Variants in GALNT17 observed in about 807,000 individuals in gnomAD.
GALNT17 encodes polypeptide N-acetylgalactosaminyltransferase 17.
Under a neutral mutation model 63.7 loss-of-function variants are expected in GALNT17, and 29 were observed. The observed-to-expected ratio is 0.46, with a 90% CI of 0.34 to 0.62. The LOEUF (loss-of-function observed/expected upper bound fraction) is 0.62, where lower values mean the gene tolerates loss of function less well. Among genes scored for constraint, GALNT17 ranks in the 20% least tolerant of loss-of-function variants. GALNT17 has a pLI of 0.01. For synonymous variants in GALNT17, 305 were observed against 318.3 expected, an observed-to-expected ratio of 0.96 and a Z score of 0.45; for missense variants, 603 against 799.6, an observed-to-expected ratio of 0.75 and a Z score of 2.97.
intron 1 of GALNT17, among the ~76,000 whole-genome samples, chr7:71,178,382 A>G (rs757301649): frequency 6.1e-4 from 93 of 151,992 alleles, no homozygotes; most frequent in Middle Eastern, 3.4e-3. Context: ...TTTTCTTTCT[A>G]TTTATCCCTG....
At chr7:71,584,361 A>C (rs1789683788) in intron 6 of GALNT17, among the ~76,000 whole-genome samples, 2 of 152,214 alleles carry the variant, frequency 1.3e-5, no homozygotes, top group South Asian at 4.1e-4. Context: ...CTTGAAACAT[A>C]CACGAAGATA....
intron 9 of GALNT17, among the ~76,000 whole-genome samples, chr7:71,684,257 C>T (rs1053455844): frequency 3.3e-5 from 5 of 152,158 alleles, no homozygotes; most frequent in African/African-American, 7.2e-5. Flanking sequence ...CTTGCTACAC[C>T]GCTCCAGACA....
In GALNT17 at chr7:71,383,380, A is replaced by C. The variant is rs561870644; in HGVS notation, c.423-4855A>C. ...TTTAAATCATCTCTAGATTACTTAC[A>C]ATATCTAATGCAGTATAAATGTCAT... On this transcript the variant is annotated intron_variant, in intron 2 of 10. Coordinates refer to ENST00000333538, the MANE Select transcript of GALNT17 (RefSeq NM_022479.3). Among the ~76,000 whole-genome samples the C allele has an allele frequency of 2.6e-5, 4 of 152,294 alleles. No individual in the cohort carries two copies. In the South Asian group the frequency reaches 8.3e-4, roughly 32 times the overall value.
intron 5 of GALNT17, among the ~76,000 whole-genome samples, chr7:71,426,029 TG>T (rs1386130537): frequency 1.3e-5 from 2 of 152,156 alleles, no homozygotes; most frequent in Admixed American, 6.5e-5. Context: ...CCAGATCTCT[TG>T]AGAACTCTAT....
intron 9 of GALNT17, among the ~76,000 whole-genome samples, chr7:71,699,558 C>G (rs1372425689): frequency 6.6e-6 from 1 of 151,402 alleles, no homozygotes. Flanking sequence ...AGGGTTATGT[C>G]AGGCAAATTC....
intron 1 of GALNT17, among the ~76,000 whole-genome samples, chr7:71,324,524 G>A (rs906754832): frequency 1.3e-5 from 2 of 152,282 alleles, no homozygotes; most frequent in Non-Finnish European, 2.9e-5. Flanking sequence ...TGGGCATGGT[G>A]GCATATGCCT....
chr7:71,288,215 CAAAAAAAAAA>C (rs59555320), intron 1 of GALNT17, among the ~76,000 whole-genome samples: 1 of 83,842 alleles, frequency 1.2e-5, no homozygotes, highest in African/African-American at 5.3e-5. Context: ...GACTCCATCT[CAAAAAAAAAA>C]AAAAAAAAAA....
At chr7:71,538,513 C>G (rs917573767) in intron 5 of GALNT17, among the ~76,000 whole-genome samples, 12 of 152,158 alleles carry the variant, frequency 7.9e-5, no homozygotes, top group African/African-American at 2.9e-4. Flanking sequence ...ATCAGTTAAC[C>G]TAATAAAATT....
chr7:71,301,161 C>T (rs911552860), intron 1 of GALNT17, among the ~76,000 whole-genome samples: 19 of 149,968 alleles, frequency 1.3e-4, no homozygotes, highest in Non-Finnish European at 1.8e-4. Context: ...GATGGTGCCG[C>T]CTGTAGTCCC....
At chr7:71,519,704 C>T (rs533618603) in intron 5 of GALNT17, among the ~76,000 whole-genome samples, 27 of 152,088 alleles carry the variant, frequency 1.8e-4, no homozygotes, top group Non-Finnish European at 2.5e-4. Context: ...CCTCAGATGA[C>T]GCACCTGCCT....
chr7:71,501,783 A>T (rs1788184618), intron 5 of GALNT17, among the ~76,000 whole-genome samples: 1 of 152,074 alleles, frequency 6.6e-6, no homozygotes, highest in South Asian at 2.1e-4. Context: ...ACTCCCCCAA[A>T]CATCTGTCCT....
At chr7:71,300,621 C>A in intron 1 of GALNT17, 1 of 234,404 alleles carries the variant, frequency 4.3e-6, no homozygotes. Flanking sequence ...CAACCACACA[C>A]ACAAACACAC....
intron 1 of GALNT17, among the ~76,000 whole-genome samples, chr7:71,148,224 C>G (rs1788061049): frequency 6.6e-6 from 1 of 152,292 alleles, no homozygotes; most frequent in East Asian, 1.9e-4. Flanking sequence ...GTAGCTAGCA[C>G]TGTTTTGGCA....
intron 6 of GALNT17, among the ~76,000 whole-genome samples, chr7:71,614,638 G>C (rs1214029743): frequency 1.3e-5 from 2 of 151,234 alleles, no homozygotes; most frequent in Non-Finnish European, 2.9e-5. Flanking sequence ...AAGGAAGGGA[G>C]GGTAGGACAA....
At chr7:71,271,163 G>A (rs543407848) in intron 1 of GALNT17, among the ~76,000 whole-genome samples, 7 of 152,294 alleles carry the variant, frequency 4.6e-5, no homozygotes, top group African/African-American at 1.7e-4. Context: ...ACGATCTGGT[G>A]CCAGTTCATT....
chr7:71,713,098 T>C lies in GALNT17; in HGVS notation c.*952T>C, dbSNP rs1791819183. The C allele has an allele frequency of 1.3e-5, 2 of 152,696 alleles. No individual in the cohort carries two copies. Among genetic ancestry groups the C allele is most frequent in the Admixed American group, 1.3e-4 (2 of 15,290 alleles). The allele number at this position is 152,696 out of a possible 1,614,324, so 9.5% of individuals were successfully genotyped here. A position where few individuals can be genotyped will look rare whatever the true frequency, so the allele number is the denominator to read the frequency against. On this transcript the variant is annotated 3_prime_UTR_variant, in exon 11 of 11. Transcript: ENST00000333538. ...GAGGAGAAGGCAGTCGTTTCCTCTCTGAAGAGTATTTTTTTCGATTGCCCT... is the reference window on the plus strand; with the variant it reads ...GAGGAGAAGGCAGTCGTTTCCTCTCCGAAGAGTATTTTTTTCGATTGCCCT...
At chr7:71,465,008 A>G (rs1013815290) in intron 5 of GALNT17, among the ~76,000 whole-genome samples, 11 of 152,196 alleles carry the variant, frequency 7.2e-5, no homozygotes, top group Non-Finnish European at 1.2e-4. Flanking sequence ...CCATCTTAAT[A>G]CGAACTTAAG....
chr7:71,583,197 C>T (rs1010118718), intron 6 of GALNT17, among the ~76,000 whole-genome samples: 2 of 152,122 alleles, frequency 1.3e-5, no homozygotes, highest in East Asian at 1.9e-4. Context: ...CAGGTTCAAG[C>T]GATTCTCCTG....
intron 5 of GALNT17, among the ~76,000 whole-genome samples, chr7:71,517,250 C>T (rs779308695): frequency 1.1e-4 from 17 of 152,176 alleles, no homozygotes; most frequent in Non-Finnish European, 1.9e-4. Context: ...TGGCTGTGTC[C>T]TCACATGGTG....
Sources: allele counts gnomAD v4.1 joint callset (sites outside exome capture counted in the v4.1 genomes callset), GRCh38; gene constraint gnomAD v4.1.1; transcripts MANE v1.5; gene names NCBI Gene and HGNC (gene_info 2026-07-23, HGNC 2026-07-21).